The following AGBL4 variants were observed in gnomAD, a reference collection of about 807,000 sequenced individuals.
AGBL4 encodes AGBL carboxypeptidase 4, also known as cytosolic carboxypeptidase 6.
Under a neutral mutation model 66.4 loss-of-function variants are expected in AGBL4, and 58 were observed. The ratio of observed to expected loss-of-function variants is 0.87; its 90% CI spans 0.71 to 1.09. The LOEUF (loss-of-function observed/expected upper bound fraction) is 1.09, where lower values mean the gene tolerates loss of function less well. Ranked by LOEUF, AGBL4 falls within the 50% of genes least tolerant of loss-of-function variation. The pLI is 0.00. For missense variants in AGBL4, 579 were observed against 631.0 expected (o/e 0.92, Z 0.88); for synonymous variants, 234 against 222.9 (o/e 1.05, Z -0.44).
chr1:49,805,035 G>A (rs1644946113), intron 2 of AGBL4, among the ~76,000 whole-genome samples: 1 of 152,038 alleles, frequency 6.6e-6, no homozygotes, highest in African/African-American at 2.4e-5. Context: ...ATAACCAAAG[G>A]GAATAATTGT....
chr1:49,433,282 T>C (rs1024384901), intron 3 of AGBL4, among the ~76,000 whole-genome samples: 29 of 152,114 alleles, frequency 1.9e-4, no homozygotes, highest in African/African-American at 7.0e-4. Context: ...ATAGGTAAAA[T>C]GACCTTGGCT....
At chr1:48,694,135 T>C (rs1646679073) in intron 6 of AGBL4, among the ~76,000 whole-genome samples, 1 of 151,564 alleles carries the variant, frequency 6.6e-6, no homozygotes, top group Non-Finnish European at 1.5e-5. Flanking sequence ...ACTCTTGATA[T>C]ACTAACACAT....
rs114679056 is a variant in AGBL4 at position 49,616,882 on chromosome 1, A to T, written c.282+80431T>A. Reference sequence around the variant, plus strand: ...CCAAATATTCCCAGAATCTCTACTCATCACCTCCACTGGTACTATCCGGTT... The same window carrying T: ...CCAAATATTCCCAGAATCTCTACTCTTCACCTCCACTGGTACTATCCGGTT... On this transcript the variant is annotated intron_variant, in intron 3 of 13. Coordinates refer to ENST00000371839, the MANE Select transcript of AGBL4 (RefSeq NM_032785.4). 4.6e-4 allele frequency among the ~76,000 whole-genome samples: 70 copies of T among 152,192 alleles called. 1 individual carries two copies. The highest frequency in any genetic ancestry group is 1.5e-3 in the African/African-American group (63 of 41,542).
At chr1:49,301,100 G>T (rs1397526698) in intron 3 of AGBL4, among the ~76,000 whole-genome samples, 1 of 152,144 alleles carries the variant, frequency 6.6e-6, no homozygotes, top group Non-Finnish European at 1.5e-5. Context: ...AATAAGAAAG[G>T]TCCATAAATG....
intron 4 of AGBL4, among the ~76,000 whole-genome samples, chr1:49,182,900 C>G (rs1423287440): frequency 6.6e-6 from 1 of 152,136 alleles, no homozygotes. Flanking sequence ...GATTGAAATA[C>G]CATAGTTCCA....
chr1:48,961,117 GT>G (rs1657944109), intron 5 of AGBL4, among the ~76,000 whole-genome samples: 1 of 151,332 alleles, frequency 6.6e-6, no homozygotes. Flanking sequence ...GCGTGTATGT[GT>G]GTGTATGTGT....
intron 8 of AGBL4, among the ~76,000 whole-genome samples, chr1:48,641,140 T>C (rs1645748397): frequency 6.6e-6 from 1 of 152,198 alleles, no homozygotes; most frequent in Non-Finnish European, 1.5e-5. Flanking sequence ...GGATTAAGCA[T>C]ATTTGCACCA....
At chr1:48,564,957 A>G (rs1467687563) in intron 11 of AGBL4, among the ~76,000 whole-genome samples, 1 of 152,178 alleles carries the variant, frequency 6.6e-6, no homozygotes, top group African/African-American at 2.4e-5. Flanking sequence ...ATCTCCATGC[A>G]TCTGGCTCCC....
At chr1:48,973,649 A>G (rs1421475609) in intron 5 of AGBL4, among the ~76,000 whole-genome samples, 1 of 152,108 alleles carries the variant, frequency 6.6e-6, no homozygotes, top group African/African-American at 2.4e-5. Context: ...CCCTTCCTCT[A>G]TTTCATAAGC....
chr1:49,855,558 C>T (rs1238437826), intron 1 of AGBL4, among the ~76,000 whole-genome samples: 8 of 152,076 alleles, frequency 5.3e-5, no homozygotes, highest in Non-Finnish European at 1.2e-4. Context: ...AATATCTTGT[C>T]AGACCACAAT....
At chr1:49,122,023 G>A (rs968105477) in intron 4 of AGBL4, among the ~76,000 whole-genome samples, 30 of 152,232 alleles carry the variant, frequency 2.0e-4, no homozygotes, top group African/African-American at 7.0e-4. Context: ...AGCCAGGCAC[G>A]GGAGAGAATC....
intron 2 of AGBL4, among the ~76,000 whole-genome samples, chr1:49,770,489 G>A (rs1571529789): frequency 6.6e-6 from 1 of 152,000 alleles, no homozygotes; most frequent in Non-Finnish European, 1.5e-5. Flanking sequence ...TGTTCTTTTT[G>A]TTGTTGTGCC....
At chr1:49,299,120 G>C (rs1644697564) in intron 3 of AGBL4, among the ~76,000 whole-genome samples, 2 of 152,084 alleles carry the variant, frequency 1.3e-5, no homozygotes, top group South Asian at 4.1e-4. Flanking sequence ...AAAGTAGGCT[G>C]TATCAATATT....
At chr1:48,863,610 A>T (rs1234702035) in intron 6 of AGBL4, among the ~76,000 whole-genome samples, 1 of 152,118 alleles carries the variant, frequency 6.6e-6, no homozygotes, top group Non-Finnish European at 1.5e-5. Flanking sequence ...TGCAGAATTA[A>T]GCGTGGTAGG....
intron 1 of AGBL4, among the ~76,000 whole-genome samples, chr1:49,997,989 G>A (rs530307486): frequency 1.3e-5 from 2 of 151,352 alleles, no homozygotes; most frequent in Admixed American, 6.6e-5. Context: ...AGATGGAAAT[G>A]AAGTCTGAAA....
intron 3 of AGBL4, among the ~76,000 whole-genome samples, chr1:49,692,520 C>T (rs1323636960): frequency 6.6e-6 from 1 of 152,000 alleles, no homozygotes; most frequent in Non-Finnish European, 1.5e-5. Flanking sequence ...AGATCGAGAC[C>T]ATCCTGGCTA....
chr1:49,617,358 TAA>T (rs775394882), intron 3 of AGBL4, among the ~76,000 whole-genome samples: 1 of 152,202 alleles, frequency 6.6e-6, no homozygotes, highest in Non-Finnish European at 1.5e-5. Context: ...ATACACTATT[TAA>T]AAAGTGTAAT....
At chr1:48,780,004 G>A (rs944804903) in intron 6 of AGBL4, among the ~76,000 whole-genome samples, 18 of 151,770 alleles carry the variant, frequency 1.2e-4, no homozygotes, top group Middle Eastern at 3.2e-3. Flanking sequence ...GTGAGCCACC[G>A]CGCCCGGCCT....
intron 3 of AGBL4, among the ~76,000 whole-genome samples, chr1:49,279,125 T>C (rs1644227233): frequency 1.3e-5 from 2 of 152,306 alleles, no homozygotes; most frequent in African/African-American, 2.4e-5. Context: ...CTCTCTCCAA[T>C]GAATTTTAGA....
Sources: allele counts gnomAD v4.1 joint callset (sites outside exome capture counted in the v4.1 genomes callset), GRCh38; gene constraint gnomAD v4.1.1; transcripts MANE v1.5; gene names NCBI Gene and HGNC (gene_info 2026-07-23, HGNC 2026-07-21).